KALRN: variants seen among roughly 807,000 people sequenced by gnomAD.
KALRN encodes the protein kalirin RhoGEF kinase.
A neutral mutation model predicts 353.7 loss-of-function variants in KALRN; 70 were observed. That is an observed-to-expected ratio of 0.20 (90% confidence interval 0.16 to 0.24). KALRN has a LOEUF of 0.24. Among genes scored for constraint, KALRN ranks in the 10% least tolerant of loss-of-function variants. The probability of loss-of-function intolerance (pLI) is 1.00; values close to 1 mark genes in which losing one functional copy is unlikely to be tolerated. For missense variants in KALRN, 2,791 were observed against 3,756.7 expected (o/e 0.74, Z 6.72); for synonymous variants, 1,391 against 1,434.8 (o/e 0.97, Z 0.69).
At chr3:124,099,049 G>A (rs528537145) in intron 1 of KALRN, among the ~76,000 whole-genome samples, 1 of 152,298 alleles carries the variant, frequency 6.6e-6, no homozygotes, top group Non-Finnish European at 1.5e-5. Flanking sequence ...CATACAATGT[G>A]TAATGATCAA....
chr3:124,255,318 C>T (rs1295885635), intron 3 of KALRN, among the ~76,000 whole-genome samples: 1 of 152,098 alleles, frequency 6.6e-6, no homozygotes, highest in African/African-American at 2.4e-5. Flanking sequence ...GTGGGCTGTC[C>T]TAAGAAGTTC....
At chr3:124,692,014 G>T (rs944865210) in intron 51 of KALRN, among the ~76,000 whole-genome samples, 2 of 152,184 alleles carry the variant, frequency 1.3e-5, no homozygotes, top group African/African-American at 4.8e-5. Context: ...TCCAAGATCA[G>T]TTCCCTGGAA....
chr3:124,200,844 A>T lies in KALRN; in HGVS notation c.74-27146A>T, dbSNP rs951959830. Among the ~76,000 whole-genome samples, 7 of 152,202 alleles carry T rather than the reference A, an allele frequency of 4.6e-5. No homozygotes were observed. The East Asian group carries it at 1.3e-3, about 29-fold the overall frequency. On this transcript the variant is annotated intron_variant, in intron 1 of 59. Transcript: ENST00000682506. ...GGTGTAAGTGTCCTTTTGATTTGTG[A>T]ATCCGTATGTATGGCATAGATAATG...
At chr3:124,603,645 G>C (rs1185873411) in intron 34 of KALRN, among the ~76,000 whole-genome samples, 1 of 152,124 alleles carries the variant, frequency 6.6e-6, no homozygotes, top group Admixed American at 6.5e-5. Flanking sequence ...TTTTGAAATG[G>C]AGCATCTCTC....
intron 31 of KALRN, 25 bp from the exon 32 acceptor site, chr3:124,492,715 A>G (rs761923252): frequency 1.2e-6 from 2 of 1,610,196 alleles, no homozygotes; most frequent in Admixed American, 1.7e-5. Context: ...TGGGGTTCTC[A>G]GTCTTTCTCC....
At chr3:124,209,988 G>A (rs951862391) in intron 1 of KALRN, among the ~76,000 whole-genome samples, 3 of 152,204 alleles carry the variant, frequency 2.0e-5, no homozygotes, top group African/African-American at 7.2e-5. Context: ...AGATGCTCCA[G>A]TGTTTCTTCA....
intron 31 of KALRN, among the ~76,000 whole-genome samples, chr3:124,492,038 G>A (rs1561122532): frequency 2.6e-5 from 4 of 152,124 alleles, no homozygotes; most frequent in Non-Finnish European, 2.9e-5. Flanking sequence ...TCTGAGCAGC[G>A]ATAATGCAGA....
intron 1 of KALRN, among the ~76,000 whole-genome samples, chr3:124,133,513 C>CAA (rs1461360613): frequency 8.5e-5 from 13 of 152,220 alleles, no homozygotes; most frequent in Admixed American, 7.8e-4. Context: ...TTTCTGTCTT[C>CAA]AATTCAGGAG....
At chr3:124,434,672 A>G in intron 17 of KALRN, 147 bp downstream of exon 17, 6 of 706,826 alleles carry the variant, frequency 8.5e-6, no homozygotes, top group Non-Finnish European at 1.2e-5. Flanking sequence ...GAAACACCAC[A>G]GTTGACTTTC....
intron 28 of KALRN, among the ~76,000 whole-genome samples, chr3:124,484,473 C>T (rs1577324772): frequency 6.6e-6 from 1 of 152,252 alleles, no homozygotes; most frequent in East Asian, 1.9e-4. Flanking sequence ...ACATCACACC[C>T]TCGGCCTTTC....
intron 35 of KALRN, among the ~76,000 whole-genome samples, chr3:124,632,993 A>G (rs1017541387): frequency 1.3e-5 from 2 of 152,180 alleles, no homozygotes; most frequent in African/African-American, 4.8e-5. Flanking sequence ...TCTACTAAGG[A>G]CTACATTAAA....
At chr3:124,710,192 C>CA (rs2062822588) in intron 57 of KALRN, among the ~76,000 whole-genome samples, 1 of 152,140 alleles carries the variant, frequency 6.6e-6, no homozygotes, top group South Asian at 2.1e-4. Context: ...CATTCTATCA[C>CA]AAAAAGGAAA....
chr3:124,416,288 C>T lies in KALRN; in HGVS notation c.2542+2623C>T, dbSNP rs76448547. 4.0e-3 allele frequency among the ~76,000 whole-genome samples: 614 copies of T among 152,326 alleles called. 16 individuals carry two copies. In the East Asian group the frequency reaches 0.076, roughly 19 times the overall value. ...CCCAAGAGCCAAGTATCCATAGTAA[C>T]AGAAAGACAACTGGGAGTTGAAAGT... On this transcript the variant is annotated intron_variant, in intron 14 of 59. Transcript: ENST00000682506.
Position 124,637,198 on chromosome 3 carries a change from T to G in KALRN, c.5569-10T>G. ...AATCTGCTTTTCCTCTGCTGCCCGA[T>G]GTCTTGCAGTCCTCCTCTTTGCTAG... On this transcript the variant is annotated splice_polypyrimidine_tract_variant and intron_variant, in intron 36 of 59. Coordinates refer to ENST00000682506, the MANE Select transcript of KALRN (RefSeq NM_001388419.1). The G allele has an allele frequency of 6.2e-7, 1 of 1,607,434 alleles. No individual in the cohort carries two copies.
chr3:124,275,535 G>A (rs989527815), intron 5 of KALRN, among the ~76,000 whole-genome samples: 10 of 152,116 alleles, frequency 6.6e-5, no homozygotes, highest in African/African-American at 2.2e-4. Flanking sequence ...AAACTTCTTC[G>A]CAGGGTTGTT....
Position 124,413,505 on chromosome 3 carries a change from G to T in KALRN, c.2382G>T (p.Leu794Phe), listed in dbSNP as rs779442681. Reference sequence around the variant, plus strand: ...AGCTAGACGCCTGGAATGAAGACTTGCTTCGGCAGATGAATGACTTCAACA... The same window carrying T: ...AGCTAGACGCCTGGAATGAAGACTTTCTTCGGCAGATGAATGACTTCAACA... ...TAELDAWNED[L>F]LRQMNDFNTE... is the part of the protein sequence containing the mutation. Residue 794 changes from leucine (L) to phenylalanine (F), a missense_variant, in exon 14 of 60, where the codon TTG (leucine) becomes TTT (phenylalanine). By Grantham distance (22) the Leu-to-Phe change is conservative. Coordinates refer to ENST00000682506, the MANE Select transcript of KALRN (RefSeq NM_001388419.1). 6.2e-6 allele frequency: 10 copies of T among 1,614,018 alleles called. No homozygotes were observed. The highest frequency in any genetic ancestry group is 1.3e-5 in the African/African-American group (1 of 74,926).
intron 6 of KALRN, among the ~76,000 whole-genome samples, chr3:124,307,728 G>A (rs55806961): frequency 0.051 from 7,740 of 151,804 alleles, 276 homozygotes; most frequent in Middle Eastern, 0.083. Flanking sequence ...GTATAAAAAA[G>A]ACATATAGAA....
intron 1 of KALRN, among the ~76,000 whole-genome samples, chr3:124,157,066 C>T (rs1012700225): frequency 6.6e-6 from 1 of 152,110 alleles, no homozygotes; most frequent in Admixed American, 6.5e-5. Flanking sequence ...CTTTCAGAAC[C>T]CAGAGATATT....
At chr3:124,401,945 G>C (rs2090929050) in intron 13 of KALRN, among the ~76,000 whole-genome samples, 1 of 152,210 alleles carries the variant, frequency 6.6e-6, no homozygotes, top group African/African-American at 2.4e-5. Flanking sequence ...GGTGGTTTCT[G>C]TAACGAGAGG....
Sources: gnomAD v4.1 joint callset for allele counts (sites outside exome capture counted in the v4.1 genomes callset) on GRCh38, gnomAD v4.1.1 for gene constraint, MANE v1.5 for transcripts, NCBI Gene and HGNC (gene_info 2026-07-23, HGNC 2026-07-21) for gene names.